Variants in DPF3 observed in about 807,000 individuals in gnomAD.
DPF3 encodes zinc finger protein DPF3.
Under a neutral mutation model 56.8 loss-of-function variants are expected in DPF3, and 18 were observed. The ratio of observed to expected loss-of-function variants is 0.32; its 90% CI spans 0.22 to 0.47. DPF3 has a LOEUF of 0.47. Among genes scored for constraint, DPF3 ranks in the 20% least tolerant of loss-of-function variants. DPF3 has a pLI of 1.00. For synonymous variants in DPF3, 188 were observed against 180.2 expected (o/e 1.04, Z -0.35); for missense variants, 403 against 488.8 (o/e 0.82, Z 1.65).
chr14:72,656,668 C>T (rs7159637), intron 8 of DPF3, among the ~76,000 whole-genome samples: 17,863 of 152,174 alleles, frequency 0.12, 2,466 homozygotes, highest in African/African-American at 0.31. Context: ...TTCTGGGTGA[C>T]TTCATATGTG....
intron 1 of DPF3, among the ~76,000 whole-genome samples, chr14:72,832,870 G>C (rs1884117032): frequency 1.3e-5 from 2 of 152,252 alleles, no homozygotes; most frequent in Non-Finnish European, 2.9e-5. Flanking sequence ...GGCACTCAAG[G>C]CATGAAGATT....
At position 72,753,311 on chromosome 14, in the gene DPF3, A is replaced by G; in HGVS notation, c.254T>C (p.Leu85Ser). 6.2e-7 allele frequency: 1 copy of G among 1,613,772 alleles called. No homozygotes were observed. The highest frequency in any genetic ancestry group is 1.1e-5 in the South Asian group (1 of 91,060). The change falls in exon 3 of 11, where the codon TTG becomes TCG. Residue 85 changes from leucine (L) to serine (S), a missense_variant. Physicochemically the swap from Leu to Ser is moderately radical, Grantham distance 145. Around this residue, in one of 2 missense-constraint regions of DPF3, gnomAD observed 340 missense variants for 374.3 expected, o/e 0.91. Coordinates refer to ENST00000556509, the MANE Select transcript of DPF3 (RefSeq NM_001280542.3). ...CAGTTTTGGATCTTCAGGTGGGTGCAATCGTCTCTTCTTGCGCCAGCAGCG... is the reference window on the plus strand; with the variant it reads ...CAGTTTTGGATCTTCAGGTGGGTGCGATCGTCTCTTCTTGCGCCAGCAGCG... The part of the protein sequence containing the change: ...PARCWRKKRR[L>S]HPPEDPKLRL...
intron 7 of DPF3, chr14:72,675,519 C>T (rs1886872561): frequency 6.6e-6 from 1 of 152,158 alleles, no homozygotes; most frequent in South Asian, 2.1e-4. Context: ...CGGTACAAAT[C>T]TGAAAAAGGA....
intron 1 of DPF3, among the ~76,000 whole-genome samples, chr14:72,808,367 T>C (rs1882883929): frequency 6.6e-6 from 1 of 151,892 alleles, no homozygotes; most frequent in African/African-American, 2.4e-5. Flanking sequence ...CTTAACTGAG[T>C]GAACATTTTA....
At chr14:72,825,212 C>T (rs1412335679) in intron 1 of DPF3, among the ~76,000 whole-genome samples, 1 of 152,146 alleles carries the variant, frequency 6.6e-6, no homozygotes, top group Non-Finnish European at 1.5e-5. Flanking sequence ...TAATTAGTCT[C>T]CCTCTCTTCT....
At chr14:72,791,574 G>A (rs1434042550) in intron 1 of DPF3, among the ~76,000 whole-genome samples, 8 of 152,214 alleles carry the variant, frequency 5.3e-5, no homozygotes. Flanking sequence ...TTCCCCCTGT[G>A]CGGGGTGTTA....
intron 1 of DPF3, among the ~76,000 whole-genome samples, chr14:72,806,322 T>G (rs986147766): frequency 1.3e-5 from 2 of 152,180 alleles, no homozygotes; most frequent in African/African-American, 4.8e-5. Context: ...GTATTAGCCA[T>G]GCGCTCCTTG....
chr14:72,780,489 T>C (rs1352809008), intron 1 of DPF3, among the ~76,000 whole-genome samples: 2 of 152,208 alleles, frequency 1.3e-5, no homozygotes, highest in African/African-American at 4.8e-5. Flanking sequence ...TTGACTGAAC[T>C]ATCATGTCAT....
In DPF3 at chr14:72,756,933, G is replaced by GAAAGAAAGAAAGAAAGAA. The variant is rs1567223087; in HGVS notation, c.194-3563_194-3562insTTCTTTCTTTCTTTCTTT. 5.4e-4 allele frequency among the ~76,000 whole-genome samples: 21 copies of GAAAGAAAGAAAGAAAGAA among 39,248 alleles called. No homozygotes were observed. In the South Asian group the frequency reaches 9.5e-3, roughly 18 times the overall value. The allele number at this position is 39,248 out of a possible 152,430, so 25.7% of individuals were successfully genotyped here. A position where few individuals can be genotyped will look rare whatever the true frequency, so the allele number is the denominator to read the frequency against. Reference sequence around the variant, plus strand: ...AAGAAAGAAAGAAAGAAAGAAAGAAGAGAAGAGAAGAGAAAGGGAGAGGGA... The same window carrying GAAAGAAAGAAAGAAAGAA: ...AAGAAAGAAAGAAAGAAAGAAAGAAGAAAGAAAGAAAGAAAGAAAGAAGAGAAGAGAAAGGGAGAGGGA... On this transcript the variant is annotated intron_variant, in intron 2 of 10. Coordinates refer to ENST00000556509, the MANE Select transcript of DPF3 (RefSeq NM_001280542.3).
intron 1 of DPF3, among the ~76,000 whole-genome samples, chr14:72,781,898 A>T (rs549050567): frequency 2.0e-4 from 31 of 152,302 alleles, no homozygotes; most frequent in Admixed American, 2.0e-3. Context: ...TCTAGGGTGA[A>T]TCATACCTAG....
Position 72,629,712 on chromosome 14 carries a change from G to A in DPF3, c.896C>T (p.Thr299Ile), listed in dbSNP as rs1885055134. The change falls in exon 9 of 11, where the codon ACC becomes ATC. Residue 299 changes from threonine (T) to isoleucine (I), a missense_variant. By Grantham distance (89) the Thr-to-Ile change is moderately conservative. Transcript: ENST00000556509. ...RSGHPTCLQFTLNMTEAVKTY... is the reference protein window; with the variant it reads ...RSGHPTCLQFILNMTEAVKTY... ...CTTGACAGCCTCGGTCATGTTCAGGGTAAACTGCAGGCAGGTTGGGTGACC... is the reference window on the plus strand; with the variant it reads ...CTTGACAGCCTCGGTCATGTTCAGGATAAACTGCAGGCAGGTTGGGTGACC... 1 of 1,536,100 alleles carries A rather than the reference G, an allele frequency of 6.5e-7. No individual in the cohort carries two copies. The highest frequency in any genetic ancestry group is 2.0e-5 in the Admixed American group (1 of 51,010).
chr14:72,831,133 C>G (rs1884039553), intron 1 of DPF3, among the ~76,000 whole-genome samples: 1 of 152,080 alleles, frequency 6.6e-6, no homozygotes, highest in Non-Finnish European at 1.5e-5. Context: ...GATCCTTGAA[C>G]AAAAGGAGCT....
intron 4 of DPF3, 65 bp from the exon 5 acceptor site, chr14:72,723,793 G>A: frequency 7.0e-7 from 1 of 1,431,724 alleles, no homozygotes; most frequent in African/African-American, 1.5e-5. Context: ...CCATCAGAGA[G>A]TAATTTTAAG....
chr14:72,801,217 A>C (rs984840276), intron 1 of DPF3, among the ~76,000 whole-genome samples: 1 of 152,246 alleles, frequency 6.6e-6, no homozygotes, highest in South Asian at 2.1e-4. Context: ...GGATGCAGGC[A>C]CTGGGTTTTG....
intron 1 of DPF3, among the ~76,000 whole-genome samples, chr14:72,780,484 T>C (rs1891926252): frequency 6.6e-6 from 1 of 152,220 alleles, no homozygotes; most frequent in African/African-American, 2.4e-5. Flanking sequence ...ATTGCTTGAC[T>C]GAACTATCAT....
intron 1 of DPF3, among the ~76,000 whole-genome samples, chr14:72,851,601 C>G (rs1020348816): frequency 1.3e-5 from 2 of 152,350 alleles, no homozygotes; most frequent in African/African-American, 4.8e-5. Flanking sequence ...TATAACTACT[C>G]TTGCTCCTAC....
At chr14:72,859,471 C>T (rs1465088029) in intron 1 of DPF3, among the ~76,000 whole-genome samples, 2 of 23,338 alleles carry the variant, frequency 8.6e-5, no homozygotes, top group Admixed American at 3.3e-4. Flanking sequence ...CAGCTTCCTC[C>T]CCCCCCCCCC....
chr14:72,891,420 A>G (rs1161993372), intron 1 of DPF3, among the ~76,000 whole-genome samples: 1 of 151,848 alleles, frequency 6.6e-6, no homozygotes, highest in Non-Finnish European at 1.5e-5. Flanking sequence ...GGATAAAAAC[A>G]TAGCTCTCCA....
intron 1 of DPF3, among the ~76,000 whole-genome samples, chr14:72,886,731 C>T (rs1886562094): frequency 6.6e-6 from 1 of 151,998 alleles, no homozygotes; most frequent in African/African-American, 2.4e-5. Flanking sequence ...TCTCTTTATG[C>T]TTGCAAAAAA....
Sources: gnomAD v4.1 joint callset for allele counts (sites outside exome capture counted in the v4.1 genomes callset) on GRCh38, gnomAD v4.1.1 for gene constraint, gnomAD v4.1.1 regional missense constraint, MANE v1.5 for transcripts, NCBI Gene and HGNC (gene_info 2026-07-23, HGNC 2026-07-21) for gene names.